The following USH2A variants were observed in gnomAD, a reference collection of about 807,000 sequenced individuals.
USH2A encodes usherin, also known as Usher syndrome 2A (autosomal recessive, mild).
In USH2A, 443 loss-of-function variants were observed where a neutral mutation model predicts 538.9. The ratio of observed to expected loss-of-function variants is 0.82; its 90% CI spans 0.76 to 0.89. The LOEUF (loss-of-function observed/expected upper bound fraction) is 0.89, where lower values mean the gene tolerates loss of function less well. Ranked by LOEUF, USH2A falls within the 40% of genes least tolerant of loss-of-function variation. The probability of loss-of-function intolerance (pLI) is 0.00; values close to 1 mark genes in which losing one functional copy is unlikely to be tolerated. For synonymous variants in USH2A, 2,413 were observed against 2,273.5 expected (o/e 1.06, Z -1.75); for missense variants, 6,633 against 6,324.8 (o/e 1.05, Z -1.65).
intron 21 of USH2A, 154 bp downstream of exon 21, chr1:216,175,098 A>G (rs569985404): frequency 1.4e-6 from 2 of 1,470,998 alleles, no homozygotes; most frequent in African/African-American, 2.8e-5. Flanking sequence ...AAAAAGATGG[A>G]CATGCTGAAA....
chr1:216,013,128 G>A (rs1477742551), intron 32 of USH2A, among the ~76,000 whole-genome samples: 3 of 152,076 alleles, frequency 2.0e-5, no homozygotes, highest in African/African-American at 4.8e-5. Flanking sequence ...GTCCTGAGTC[G>A]TCCCAATACT....
chr1:216,041,090 G>A (rs1341530489), intron 32 of USH2A, among the ~76,000 whole-genome samples: 3 of 151,878 alleles, frequency 2.0e-5, no homozygotes, highest in Admixed American at 6.6e-5. Context: ...TATACCTCAC[G>A]TATTTATCCA....
At chr1:215,650,461 G>A in intron 65 of USH2A, 131 bp downstream of exon 65, 2 of 1,101,878 alleles carry the variant, frequency 1.8e-6, no homozygotes, top group South Asian at 2.7e-5. Context: ...GTGCTACTAA[G>A]TTCACCGTAG....
intron 60 of USH2A, among the ~76,000 whole-genome samples, chr1:215,739,991 A>G (rs1660257529): frequency 6.6e-6 from 1 of 152,168 alleles, no homozygotes. Flanking sequence ...TTGTACGCTA[A>G]AGGAAATACA....
At position 215,648,622 on chromosome 1, in the gene USH2A, AG is replaced by A. The variant is rs2102643165; in HGVS notation, c.14487del (p.Ser4830GlnfsTer54). On this transcript the variant is annotated frameshift_variant, in exon 66 of 72. Transcript: ENST00000307340. LOFTEE classifies it high-confidence loss of function. Reference protein sequence around the residue: ...TAELRTHPAPPSGLSSPQIGT... With the variant: ...TAELRTHPAPXSGLSSPQIGT... ...CCGATTTGTGGAGAGGACAGTCCTG[AG>A]GGTGGGGCAGGATGGGTTCTCAGTT... is the stretch of plus-strand genomic sequence containing the variant. 1 of 1,614,194 alleles carries A rather than the reference AG, an allele frequency of 6.2e-7. No homozygotes were observed. Among genetic ancestry groups the A allele is most frequent in the Non-Finnish European group, 8.5e-7 (1 of 1,180,026 alleles).
At position 215,628,942 on chromosome 1, in the gene USH2A, G is replaced by T; in HGVS notation, c.15391C>A (p.Gln5131Lys). The change falls in exon 71 of 72, where the codon CAA (glutamine) becomes AAA (lysine). Residue 5131 changes from glutamine (Q) to lysine (K), a missense_variant. Gln to Lys is a moderately conservative substitution (Grantham distance 53). Coordinates refer to ENST00000307340, the MANE Select transcript of USH2A (RefSeq NM_206933.4). ...ACVLRIPSQN[Q>K]TSLTYSQGSL... ...CCCTGGGAGTAGGTTAGGCTGGTTT[G>T]GTTTTGACTCGGGATGCGCAGGACA... The T allele has an allele frequency of 1.2e-6, 2 of 1,614,148 alleles. No homozygotes were observed. Among genetic ancestry groups the T allele is most frequent in the Non-Finnish European group, 1.7e-6 (2 of 1,180,044 alleles).
In USH2A at chr1:215,635,580, G is replaced by A. The variant is rs911632108; in HGVS notation, c.15053-877C>T. Among the ~76,000 whole-genome samples, 14 of 83,982 alleles carry A rather than the reference G, an allele frequency of 1.7e-4. No homozygotes were observed. The South Asian group carries it at 2.9e-3, about 18-fold the overall frequency. The allele number at this position is 83,982 out of a possible 152,430, so 55.1% of individuals were successfully genotyped here. A position where few individuals can be genotyped will look rare whatever the true frequency, so the allele number is the denominator to read the frequency against. ...ATTTATTTATTTATTTTTTGAGATGGAGTCTTGCTCTGTCACCCAGGTTGG... is the reference window on the plus strand; with the variant it reads ...ATTTATTTATTTATTTTTTGAGATGAAGTCTTGCTCTGTCACCCAGGTTGG... On this transcript the variant is annotated intron_variant, in intron 69 of 71. Transcript: ENST00000307340.
chr1:216,190,814 A>G (rs940179139), intron 19 of USH2A, among the ~76,000 whole-genome samples: 20 of 152,000 alleles, frequency 1.3e-4, no homozygotes, highest in Admixed American at 1.2e-3. Flanking sequence ...TTAAATCGAT[A>G]CTATCATTTT....
chr1:215,905,531 G>GT (rs1393255432), intron 38 of USH2A, among the ~76,000 whole-genome samples: 4 of 151,978 alleles, frequency 2.6e-5, no homozygotes, highest in African/African-American at 9.7e-5. Context: ...TCAAATAACT[G>GT]TATCACCAAA....
chr1:216,331,485 A>G (rs908141770), intron 4 of USH2A, among the ~76,000 whole-genome samples: 10 of 152,098 alleles, frequency 6.6e-5, no homozygotes, highest in Non-Finnish European at 1.3e-4. Flanking sequence ...AAACTAAGTA[A>G]TCCAACATAT....
intron 21 of USH2A, among the ~76,000 whole-genome samples, chr1:216,172,441 C>G (rs994594773): frequency 6.6e-6 from 1 of 151,778 alleles, no homozygotes; most frequent in Non-Finnish European, 1.5e-5. Flanking sequence ...TTGAATAATT[C>G]AAAACAAAGG....
intron 55 of USH2A, among the ~76,000 whole-genome samples, chr1:215,771,579 C>CAAAAAAAAAAAAAAAAAAA (rs759067576): frequency 1.6e-4 from 7 of 43,998 alleles, no homozygotes; most frequent in African/African-American, 3.2e-4. Flanking sequence ...GACTCCGTCT[C>CAAAAAAAAAAAAAAAAAAA]AAAAAAAAAA....
intron 22 of USH2A, among the ~76,000 whole-genome samples, chr1:216,096,773 A>G (rs1321108085): frequency 1.3e-5 from 2 of 152,202 alleles, no homozygotes; most frequent in Non-Finnish European, 2.9e-5. Context: ...CTACTAAGAA[A>G]AATAAAAATA....
chr1:215,974,033 G>A (rs183971484), intron 35 of USH2A, among the ~76,000 whole-genome samples: 41 of 151,776 alleles, frequency 2.7e-4, no homozygotes, highest in African/African-American at 9.9e-4. Context: ...AGGAAGGGCT[G>A]AAGGATGAAT....
At chr1:216,298,955 C>T (rs2037159482) in intron 9 of USH2A, among the ~76,000 whole-genome samples, 1 of 152,020 alleles carries the variant, frequency 6.6e-6, no homozygotes, top group African/African-American at 2.4e-5. Flanking sequence ...ATTCTCCTGC[C>T]TCAACCTCCC....
Position 216,323,464 on chromosome 1 carries a change from A to T in USH2A, c.1550+10T>A, listed in dbSNP as rs200728788. 1 of 1,613,054 alleles carries T rather than the reference A, an allele frequency of 6.2e-7. No individual in the cohort carries two copies. The highest frequency in any genetic ancestry group is 8.5e-7 in the Non-Finnish European group (1 of 1,179,464). ...AAAAACCTTGTTGAAAACAAAATTCATAATAATACCTCCCACTAATGGTGA... is the reference window on the plus strand; with the variant it reads ...AAAAACCTTGTTGAAAACAAAATTCTTAATAATACCTCCCACTAATGGTGA... On this transcript the variant is annotated intron_variant, in intron 8 of 71. Coordinates refer to ENST00000307340, the MANE Select transcript of USH2A (RefSeq NM_206933.4).
rs539460015 is a variant in USH2A, at chr1:215,808,238, C to T, written c.9739+5498G>A. ...TGTAATTTTAATGGAAATATATTTGCTATCTTACTGTTCTACTAACATATG... is the reference window on the plus strand; with the variant it reads ...TGTAATTTTAATGGAAATATATTTGTTATCTTACTGTTCTACTAACATATG... On this transcript the variant is annotated intron_variant, in intron 49 of 71. Coordinates refer to ENST00000307340, the MANE Select transcript of USH2A (RefSeq NM_206933.4). Among the ~76,000 whole-genome samples the T allele has an allele frequency of 4.3e-4, 66 of 152,134 alleles. 1 individual carries two copies. Among genetic ancestry groups the T allele is most frequent in the Middle Eastern group, 3.4e-3 (1 of 294 alleles).
At chr1:216,148,584 G>A (rs1266686870) in intron 21 of USH2A, among the ~76,000 whole-genome samples, 3 of 152,008 alleles carry the variant, frequency 2.0e-5, no homozygotes, top group African/African-American at 7.3e-5. Flanking sequence ...GTTATCACCC[G>A]CCTGCTACAG....
chr1:216,074,276 G>A (rs981315653), intron 27 of USH2A, among the ~76,000 whole-genome samples: 1 of 151,910 alleles, frequency 6.6e-6, no homozygotes. Flanking sequence ...AAAACTGCAC[G>A]AAATTGGGAC....
Sources: allele counts gnomAD v4.1 joint callset (sites outside exome capture counted in the v4.1 genomes callset), GRCh38; gene constraint gnomAD v4.1.1; transcripts MANE v1.5; gene names NCBI Gene and HGNC (gene_info 2026-07-23, HGNC 2026-07-21).